CDH8: variants seen among roughly 807,000 people sequenced by gnomAD.
CDH8 encodes cadherin 8.
A neutral mutation model predicts 68.1 loss-of-function variants in CDH8; 17 were observed. That is an observed-to-expected ratio of 0.25 (90% CI 0.17 to 0.37). CDH8 has a LOEUF of 0.37. Ranked by LOEUF, CDH8 falls within the 10% of genes least tolerant of loss-of-function variation. The pLI is 1.00. For synonymous variants in CDH8, 372 were observed against 365.1 expected, an observed-to-expected ratio of 1.02 and a Z score of -0.21; for missense variants, 763 against 999.3, an observed-to-expected ratio of 0.76 and a Z score of 3.19.
Position 61,650,706 on chromosome 16 carries a change from TGAGA to T in CDH8, c.*2898_*2901del, listed in dbSNP as rs71134374. 0.012 allele frequency: 1,377 copies of T among 116,640 alleles called. 8 individuals carry two copies. Among genetic ancestry groups the T allele is most frequent in the African/African-American group, 0.029 (863 of 29,856 alleles). The allele number at this position is 116,640 out of a possible 1,614,324, so 7.2% of individuals were successfully genotyped here. The stretch of plus-strand genomic sequence containing the variant: ...GTGTGTGTGTGTGTGTGTGTGTGTG[TGAGA>T]GAGAGAGAGAGAGAGAGAGAGAAAG... On this transcript the variant is annotated 3_prime_UTR_variant, in exon 12 of 12. Coordinates refer to ENST00000577390, the MANE Select transcript of CDH8 (RefSeq NM_001796.5).
chr16:61,917,241 A>T (rs1308783801), intron 2 of CDH8, among the ~76,000 whole-genome samples: 4 of 151,844 alleles, frequency 2.6e-5, no homozygotes, highest in Non-Finnish European at 5.9e-5. Context: ...ATACCTGGTC[A>T]TTTTCTTCAG....
intron 2 of CDH8, among the ~76,000 whole-genome samples, chr16:62,000,470 C>T (rs1331620834): frequency 1.3e-5 from 2 of 152,172 alleles, no homozygotes; most frequent in African/African-American, 4.8e-5. Flanking sequence ...GCTCATGCTG[C>T]ATCTTTTCTG....
At chr16:61,754,869 A>G (rs974965519) in intron 8 of CDH8, among the ~76,000 whole-genome samples, 1 of 152,094 alleles carries the variant, frequency 6.6e-6, no homozygotes, top group Non-Finnish European at 1.5e-5. Context: ...GGCCCCATCA[A>G]CCAGGTAATG....
chr16:61,767,145 T>C (rs1281216957), intron 8 of CDH8, among the ~76,000 whole-genome samples: 2 of 151,958 alleles, frequency 1.3e-5, no homozygotes, highest in African/African-American at 2.4e-5. Context: ...CTTGTGTGTG[T>C]GTGCGACACT....
intron 10 of CDH8, among the ~76,000 whole-genome samples, chr16:61,686,735 G>T (rs1266150363): frequency 6.6e-6 from 1 of 151,950 alleles, no homozygotes; most frequent in Non-Finnish European, 1.5e-5. Flanking sequence ...AAGTCTTGCA[G>T]CTAGAAACCC....
intron 2 of CDH8, among the ~76,000 whole-genome samples, chr16:61,951,779 C>G (rs1462998659): frequency 6.6e-6 from 1 of 152,138 alleles, no homozygotes; most frequent in Non-Finnish European, 1.5e-5. Context: ...TCCTCCTTTT[C>G]TCTTTACTTA....
intron 2 of CDH8, among the ~76,000 whole-genome samples, chr16:61,986,369 T>G (rs1454194013): frequency 6.6e-6 from 1 of 152,222 alleles, no homozygotes; most frequent in Admixed American, 6.5e-5. Flanking sequence ...CACTCCTTTT[T>G]TTTCTCTTTT....
chr16:62,011,639 C>T (rs1041344307), intron 2 of CDH8, among the ~76,000 whole-genome samples: 3 of 150,628 alleles, frequency 2.0e-5, no homozygotes, highest in African/African-American at 7.3e-5. Context: ...ATTTTAAAGC[C>T]TTTAATGTGC....
At chr16:61,936,455 T>C (rs143956089) in intron 2 of CDH8, among the ~76,000 whole-genome samples, 45 of 152,302 alleles carry the variant, frequency 3.0e-4, no homozygotes, top group Middle Eastern at 3.4e-3. Context: ...TTGCCAAAAA[T>C]CATTAGTTTT....
At position 61,654,096 on chromosome 16, in the gene CDH8, C is replaced by G. The variant is rs749935575; in HGVS notation, c.1912G>C (p.Val638Leu). The part of the protein sequence containing the change: ...LACIILLLVI[V>L]VLFVTLRRHK... ...CGCCGTAGAGTTACAAACAGCACCA[C>G]GATGACTAGAGGAAAAATATTAAAT... Residue 638 changes from valine (V) to leucine (L), a missense_variant, in exon 12 of 12, where the codon GTG (valine) becomes CTG (leucine). Transcript: ENST00000577390. 2.5e-6 allele frequency: 4 copies of G among 1,609,266 alleles called. No homozygotes were observed. The Admixed American group carries it at 6.7e-5, about 27-fold the overall frequency.
chr16:61,789,316 A>T (rs1596969486), intron 8 of CDH8, 30 bp downstream of exon 8: 1 of 1,599,074 alleles, frequency 6.3e-7, no homozygotes, highest in Non-Finnish European at 8.5e-7. Context: ...CAGTCACACA[A>T]GGAAGAAATG....
chr16:61,700,455 A>AT (rs1234251090), intron 10 of CDH8, among the ~76,000 whole-genome samples: 12 of 151,516 alleles, frequency 7.9e-5, no homozygotes, highest in Non-Finnish European at 1.5e-4. Context: ...TAATTTTTGT[A>AT]TTTTTAGTAG....
At chr16:61,788,101 A>G (rs998099141) in intron 8 of CDH8, among the ~76,000 whole-genome samples, 2 of 151,878 alleles carry the variant, frequency 1.3e-5, no homozygotes, top group African/African-American at 2.4e-5. Context: ...AAAAAAAAAA[A>G]AGAAACAAAC....
At chr16:61,907,826 C>T (rs1364672810) in intron 2 of CDH8, among the ~76,000 whole-genome samples, 4 of 151,986 alleles carry the variant, frequency 2.6e-5, no homozygotes, top group Admixed American at 2.0e-4. Context: ...GGGCGGATCA[C>T]GAGGTCAGGA....
intron 10 of CDH8, among the ~76,000 whole-genome samples, chr16:61,707,709 G>A (rs1202357943): frequency 6.6e-6 from 1 of 152,078 alleles, no homozygotes; most frequent in Non-Finnish European, 1.5e-5. Context: ...GCAAACTTCT[G>A]TGCTGTAATG....
intron 10 of CDH8, among the ~76,000 whole-genome samples, chr16:61,688,652 T>A (rs1167510061): frequency 6.6e-6 from 1 of 151,968 alleles, no homozygotes; most frequent in Non-Finnish European, 1.5e-5. Context: ...AGTGGGGATA[T>A]GAAGATTCAA....
intron 8 of CDH8, among the ~76,000 whole-genome samples, chr16:61,788,127 A>G (rs1449371746): frequency 6.6e-6 from 1 of 151,968 alleles, no homozygotes. Context: ...TCACTCTTGA[A>G]TCTTCACTCT....
At chr16:61,826,128 A>C (rs1012496258) in intron 4 of CDH8, among the ~76,000 whole-genome samples, 1 of 148,608 alleles carries the variant, frequency 6.7e-6, no homozygotes, top group Non-Finnish European at 1.5e-5. Context: ...GAGTATAAAC[A>C]TTTAACCACA....
intron 2 of CDH8, among the ~76,000 whole-genome samples, chr16:61,991,823 C>T (rs1483497198): frequency 2.0e-5 from 3 of 152,104 alleles, no homozygotes; most frequent in Non-Finnish European, 4.4e-5. Context: ...AGATAAAATG[C>T]CACCACTCCC....
Sources: gnomAD v4.1 joint callset for allele counts (sites outside exome capture counted in the v4.1 genomes callset) on GRCh38, gnomAD v4.1.1 for gene constraint, MANE v1.5 for transcripts, NCBI Gene and HGNC (gene_info 2026-07-23, HGNC 2026-07-21) for gene names.